SGCD: variants seen among roughly 807,000 people sequenced by gnomAD.
The protein encoded by SGCD is delta-sarcoglycan.
Under a neutral mutation model 36.6 loss-of-function variants are expected in SGCD, and 18 were observed. The ratio of observed to expected loss-of-function variants is 0.49; its 90% CI spans 0.34 to 0.73. The LOEUF (loss-of-function observed/expected upper bound fraction) is 0.73. Among genes scored for constraint, SGCD ranks in the 30% least tolerant of loss-of-function variants. SGCD has a pLI of 0.01. For synonymous variants in SGCD, 133 were observed against 130.6 expected, an observed-to-expected ratio of 1.02 and a Z score of -0.12; for missense variants, 387 against 346.7, an observed-to-expected ratio of 1.12 and a Z score of -0.92.
At chr5:155,814,786 A>G in the SGCD span, among the ~76,000 whole-genome samples, 1 of 152,152 alleles carries the variant, frequency 6.6e-6, no homozygotes, top group South Asian at 2.1e-4. Context: ...ACTAAACTCT[A>G]ATGACTATGT....
chr5:156,215,958 T>C (rs1245657199), intron 3 of SGCD, among the ~76,000 whole-genome samples: 1 of 152,106 alleles, frequency 6.6e-6, no homozygotes, highest in Admixed American at 6.6e-5. Flanking sequence ...GGTGAACAGA[T>C]AAAGAAAACA....
intron 3 of SGCD, among the ~76,000 whole-genome samples, chr5:156,274,649 C>G (rs1045560676): frequency 3.9e-5 from 6 of 152,126 alleles, no homozygotes; most frequent in Non-Finnish European, 1.5e-5. Flanking sequence ...CAAGCACAAA[C>G]ACTAGAACAA....
intron 3 of SGCD, among the ~76,000 whole-genome samples, chr5:156,282,517 C>T (rs1430519426): frequency 2.0e-5 from 3 of 152,170 alleles, no homozygotes; most frequent in African/African-American, 7.2e-5. Flanking sequence ...ATAATATTTT[C>T]AACCACTGGT....
chr5:156,041,787 A>C (rs1274991695), intron 1 of SGCD, among the ~76,000 whole-genome samples: 1 of 152,198 alleles, frequency 6.6e-6, no homozygotes, highest in African/African-American at 2.4e-5. Context: ...CATAAAAGAG[A>C]GGTAATCTCT....
chr5:155,896,349 C>T lies in SGCD; in HGVS notation c.-282+25925C>T, dbSNP rs138104229. Among the ~76,000 whole-genome samples the T allele has an allele frequency of 6.3e-4, 95 of 151,940 alleles. 1 individual carries two copies. The East Asian group carries it at 0.011, about 18-fold the overall frequency. ...AGGAGGTGGAGGCTGGGTGTGAATC[C>T]CAGCACTTTGGGAGGCTGAGGTGGG... On this transcript the variant is annotated intron_variant, in intron 1 of 9. Coordinates refer to the SGCD transcript ENST00000517913.
intron 3 of SGCD, among the ~76,000 whole-genome samples, chr5:156,452,460 A>G (rs2174418): frequency 2.0e-5 from 3 of 152,154 alleles, no homozygotes; most frequent in African/African-American, 7.2e-5. Context: ...CAGATCCCAA[A>G]GTTTTTGCAA....
At chr5:155,865,828 A>G (rs551277178), upstream of SGCD, among the ~76,000 whole-genome samples, 16 of 152,346 alleles carry the variant, frequency 1.1e-4, no homozygotes, top group Non-Finnish European at 2.2e-4. Context: ...GTTTTTCAAA[A>G]TTCCAATTTT....
At chr5:156,130,903 A>G (rs1581118129) in intron 3 of SGCD, among the ~76,000 whole-genome samples, 1 of 151,950 alleles carries the variant, frequency 6.6e-6, no homozygotes, top group African/African-American at 2.4e-5. Context: ...ATTTTTTTGT[A>G]TATTTAGTAG....
intron 3 of SGCD, among the ~76,000 whole-genome samples, chr5:156,397,108 G>T (rs1198278158): frequency 1.3e-5 from 2 of 152,226 alleles, no homozygotes; most frequent in Non-Finnish European, 2.9e-5. Context: ...GCATTAACCT[G>T]AGCAGGCTGG....
chr5:156,094,014 T>C (rs891136905), intron 1 of SGCD, among the ~76,000 whole-genome samples: 5 of 152,208 alleles, frequency 3.3e-5, no homozygotes, highest in Non-Finnish European at 7.3e-5. Flanking sequence ...GGTATTGCTC[T>C]GTGCAAATCA....
At chr5:156,583,092 T>A (rs1236866959) in intron 4 of SGCD, among the ~76,000 whole-genome samples, 1 of 152,200 alleles carries the variant, frequency 6.6e-6, no homozygotes, top group East Asian at 1.9e-4. Context: ...GCTGAGATAG[T>A]GTAATTATGA....
At chr5:155,839,964 A>T in the SGCD span, among the ~76,000 whole-genome samples, 1 of 151,468 alleles carries the variant, frequency 6.6e-6, no homozygotes, top group Admixed American at 6.6e-5. Context: ...ATCCCTGGTT[A>T]AAAAACCTCT....
At chr5:156,473,896 C>T (rs980912620) in intron 3 of SGCD, among the ~76,000 whole-genome samples, 3 of 151,536 alleles carry the variant, frequency 2.0e-5, no homozygotes, top group East Asian at 3.9e-4. Context: ...GTAACCTATC[C>T]GATAAATAAA....
chr5:156,104,680 G>A (rs763518767), intron 1 of SGCD, among the ~76,000 whole-genome samples: 1 of 152,172 alleles, frequency 6.6e-6, no homozygotes, highest in African/African-American at 2.4e-5. Flanking sequence ...GAATCATAAT[G>A]TGTCAGCAGT....
intron 3 of SGCD, among the ~76,000 whole-genome samples, chr5:156,297,786 A>G (rs1023015789): frequency 2.3e-5 from 3 of 133,144 alleles, no homozygotes; most frequent in Non-Finnish European, 4.6e-5. Flanking sequence ...TTAAAGTATA[A>G]TAAAAAAATA....
At chr5:156,402,529 A>C (rs553335191) in intron 3 of SGCD, among the ~76,000 whole-genome samples, 7 of 152,288 alleles carry the variant, frequency 4.6e-5, no homozygotes, top group Admixed American at 2.0e-4. Flanking sequence ...GTTTTACATA[A>C]TTATTCAGAA....
At position 156,715,827 on chromosome 5, in the gene SGCD, G is replaced by C. The variant is rs576778623; in HGVS notation, c.576-41754G>C. Among the ~76,000 whole-genome samples, 4 of 152,300 alleles carry C rather than the reference G, an allele frequency of 2.6e-5. No homozygotes were observed. The South Asian group carries it at 8.3e-4, about 32-fold the overall frequency. ...CTGTGCAGTGCCTGGCATAGAGCAAGTACTTTTCTGAGAAACAGAAGAGTG... is the reference window on the plus strand; with the variant it reads ...CTGTGCAGTGCCTGGCATAGAGCAACTACTTTTCTGAGAAACAGAAGAGTG... On this transcript the variant is annotated intron_variant, in intron 7 of 8. Transcript: ENST00000337851.
At position 156,697,494 on chromosome 5, in the gene SGCD, G is replaced by A. The variant is rs563309902; in HGVS notation, c.575+49958G>A. On this transcript the variant is annotated intron_variant, in intron 7 of 8. Transcript: ENST00000337851. ...CTCATACATTTGTGCTTAATCTAGA[G>A]AATCCTGACTCCTCCTTTGGGAAAC... 2.6e-5 allele frequency among the ~76,000 whole-genome samples: 4 copies of A among 152,196 alleles called. No individual in the cohort carries two copies. The East Asian group carries it at 5.8e-4, about 22-fold the overall frequency.
the SGCD span, among the ~76,000 whole-genome samples, chr5:155,802,763 TTAAC>T: frequency 6.6e-6 from 1 of 152,228 alleles, no homozygotes; most frequent in South Asian, 2.1e-4. Flanking sequence ...ATTTTGGAAT[TTAAC>T]TATTTTCTCT....
Sources: gnomAD v4.1 joint callset for allele counts (sites outside exome capture counted in the v4.1 genomes callset) on GRCh38, gnomAD v4.1.1 for gene constraint, MANE v1.5 for transcripts, NCBI Gene and HGNC (gene_info 2026-07-23, HGNC 2026-07-21) for gene names.